Variants in NTRK2 observed in about 807,000 individuals in gnomAD.
NTRK2 encodes the protein neurotrophic receptor tyrosine kinase 2.
NTRK2 carries 13 observed loss-of-function variants against 94.5 expected under a neutral mutation model. The observed-to-expected ratio is 0.14, with a 90% confidence interval of 0.09 to 0.22. The LOEUF is 0.22. NTRK2 is among the 10% of genes least tolerant of loss of function. NTRK2 has a pLI of 1.00. For synonymous variants in NTRK2, 372 were observed against 407.4 expected, an observed-to-expected ratio of 0.91 and a Z score of 1.05; for missense variants, 639 against 1,071.2, an observed-to-expected ratio of 0.60 and a Z score of 5.63.
intron 9 of NTRK2, among the ~76,000 whole-genome samples, chr9:84,737,137 A>G (rs937111108): frequency 2.0e-5 from 3 of 152,202 alleles, no homozygotes; most frequent in African/African-American, 7.2e-5. Context: ...CTTTAGGTAG[A>G]GCATTAGAGG....
At chr9:84,777,595 A>G (rs1005394303) in intron 12 of NTRK2, among the ~76,000 whole-genome samples, 8 of 152,184 alleles carry the variant, frequency 5.3e-5, no homozygotes, top group African/African-American at 1.9e-4. Context: ...TAGTATGCTG[A>G]GAAATGTTCA....
At chr9:84,740,015 T>C (rs1286782615) in intron 9 of NTRK2, among the ~76,000 whole-genome samples, 1 of 152,238 alleles carries the variant, frequency 6.6e-6, no homozygotes, top group Non-Finnish European at 1.5e-5. Context: ...GAAAATCTCA[T>C]ATTGTGTTGA....
At chr9:84,988,367 T>A (rs189109354) in intron 17 of NTRK2, among the ~76,000 whole-genome samples, 27 of 152,110 alleles carry the variant, frequency 1.8e-4, no homozygotes, top group Non-Finnish European at 3.1e-4. Flanking sequence ...AAACCCAAGG[T>A]TCTTAAGGGG....
chr9:85,021,531 G>T lies in NTRK2; in HGVS notation c.*94G>T. The T allele has an allele frequency of 8.1e-7, 1 of 1,232,832 alleles. No homozygotes were observed. The highest frequency in any genetic ancestry group is 1.2e-5 in the South Asian group (1 of 82,268). The allele number at this position is 1,232,832 out of a possible 1,614,324, so 76.4% of individuals were successfully genotyped here. A position where few individuals can be genotyped will look rare whatever the true frequency, so the allele number is the denominator to read the frequency against. ...AACTGCCGCTGGAGGCCACCAAGCT[G>T]CTCTCCTTCACTCTGACAGTATTAA... On this transcript the variant is annotated 3_prime_UTR_variant, in exon 19 of 19. Transcript: ENST00000277120.
intron 14 of NTRK2, among the ~76,000 whole-genome samples, chr9:84,922,824 A>C (rs2077611885): frequency 1.3e-5 from 2 of 152,246 alleles, no homozygotes; most frequent in African/African-American, 4.8e-5. Flanking sequence ...ATTAAATGGT[A>C]AATGAAGGAG....
chr9:84,854,096 A>G (rs905212900), intron 12 of NTRK2, among the ~76,000 whole-genome samples: 9 of 151,740 alleles, frequency 5.9e-5, no homozygotes, highest in African/African-American at 2.2e-4. Flanking sequence ...AAAAGAAAAG[A>G]AAAAAGAAAA....
chr9:84,929,676 C>T (rs1374848034), intron 14 of NTRK2, among the ~76,000 whole-genome samples: 2 of 152,040 alleles, frequency 1.3e-5, no homozygotes, highest in Non-Finnish European at 2.9e-5. Flanking sequence ...ATTCTCCTGC[C>T]TCAGTCTCCC....
chr9:84,934,599 CT>C (rs1345837475), intron 15 of NTRK2, among the ~76,000 whole-genome samples: 1 of 152,160 alleles, frequency 6.6e-6, no homozygotes, highest in African/African-American at 2.4e-5. Context: ...ATTCGACCAG[CT>C]GAGTCCTTCC....
At chr9:84,932,841 A>T (rs1435708648) in intron 14 of NTRK2, among the ~76,000 whole-genome samples, 1 of 152,208 alleles carries the variant, frequency 6.6e-6, no homozygotes, top group Admixed American at 6.5e-5. Flanking sequence ...CTAAGCAGAG[A>T]GGAAGCCTGG....
intron 17 of NTRK2, among the ~76,000 whole-genome samples, chr9:84,964,283 A>G (rs1825297538): frequency 1.3e-5 from 2 of 152,176 alleles, no homozygotes; most frequent in Admixed American, 1.3e-4. Context: ...ATTGGTCAAG[A>G]CCACAGCAAT....
intron 12 of NTRK2, among the ~76,000 whole-genome samples, chr9:84,849,200 A>G (rs1423158513): frequency 6.6e-6 from 1 of 151,862 alleles, no homozygotes; most frequent in Admixed American, 6.6e-5. Context: ...GGCAGGGGGG[A>G]CTCTATTCAT....
chr9:84,726,176 G>A (rs966398535), intron 8 of NTRK2, among the ~76,000 whole-genome samples: 3 of 152,312 alleles, frequency 2.0e-5, no homozygotes, highest in Non-Finnish European at 2.9e-5. Context: ...AAGAGCAGAA[G>A]CAATAAATTA....
chr9:84,992,651 C>A (rs1829236736), intron 17 of NTRK2, among the ~76,000 whole-genome samples: 1 of 152,102 alleles, frequency 6.6e-6, no homozygotes, highest in East Asian at 1.9e-4. Flanking sequence ...CCTGCCCAGC[C>A]CACTCTGATT....
At chr9:84,874,765 T>C (rs200643925) in intron 14 of NTRK2, 20 of 1,059,986 alleles carry the variant, frequency 1.9e-5, no homozygotes, top group Non-Finnish European at 2.3e-5. Flanking sequence ...ATGAATCCAT[T>C]CTGCCCTTTG....
chr9:84,728,187 T>C (rs766079162), intron 9 of NTRK2, among the ~76,000 whole-genome samples: 12 of 152,148 alleles, frequency 7.9e-5, no homozygotes, highest in Non-Finnish European at 1.6e-4. Flanking sequence ...CCTGTTATGA[T>C]AAGTGTGGAG....
At chr9:85,000,098 A>G (rs1366339781) in intron 17 of NTRK2, among the ~76,000 whole-genome samples, 1 of 152,182 alleles carries the variant, frequency 6.6e-6, no homozygotes, top group Non-Finnish European at 1.5e-5. Flanking sequence ...AAACAGTTTC[A>G]GAGCAATTTT....
chr9:84,796,135 C>G (rs1007661442), intron 12 of NTRK2, among the ~76,000 whole-genome samples: 7 of 152,052 alleles, frequency 4.6e-5, no homozygotes, highest in Admixed American at 1.3e-4. Context: ...GTTTTTTTCG[C>G]ACAGCAAGAA....
chr9:84,742,005 C>A, intron 10 of NTRK2, 78 bp downstream of exon 10: 1 of 1,232,886 alleles, frequency 8.1e-7, no homozygotes, highest in Non-Finnish European at 1.2e-6. Context: ...TGAAAGAAGA[C>A]TCTTCTAAGC....
At chr9:84,764,751 T>G (rs1320481384) in intron 12 of NTRK2, among the ~76,000 whole-genome samples, 4 of 152,130 alleles carry the variant, frequency 2.6e-5, no homozygotes, top group Admixed American at 1.3e-4. Flanking sequence ...GGAAGAGATA[T>G]CCACACTCCT....
Sources: gnomAD v4.1 joint callset for allele counts (sites outside exome capture counted in the v4.1 genomes callset) on GRCh38, gnomAD v4.1.1 for gene constraint, MANE v1.5 for transcripts, NCBI Gene and HGNC (gene_info 2026-07-23, HGNC 2026-07-21) for gene names.